Variants in CCDC138 observed in about 807,000 individuals in gnomAD.
CCDC138 encodes the protein coiled-coil domain-containing protein 138.
A neutral mutation model predicts 82.3 loss-of-function variants in CCDC138; 66 were observed. That is an observed-to-expected ratio of 0.80 (90% confidence interval 0.66 to 0.98). CCDC138 has a LOEUF of 0.98. Ranked by LOEUF, CCDC138 falls within the 50% of genes least tolerant of loss-of-function variation. The pLI, the probability that CCDC138 is intolerant of heterozygous loss-of-function variation, is 0.00. For synonymous variants in CCDC138, 297 were observed against 265.4 expected (o/e 1.12, Z -1.16); for missense variants, 816 against 758.9 (o/e 1.08, Z -0.88).
At chr2:108,835,144 A>G (rs190941025) in intron 10 of CCDC138, among the ~76,000 whole-genome samples, 1 of 152,360 alleles carries the variant, frequency 6.6e-6, no homozygotes, top group Admixed American at 6.5e-5. Context: ...CAACAAAGGA[A>G]GTTTATGCAG....
downstream of CCDC138, among the ~76,000 whole-genome samples, chr2:108,877,895 A>G (rs1696135021): frequency 6.6e-6 from 1 of 152,228 alleles, no homozygotes; most frequent in South Asian, 2.1e-4. Flanking sequence ...CTTAGAAGAA[A>G]GGAAAAACCA....
At chr2:108,874,663 G>A (rs1408560740) in intron 14 of CCDC138, among the ~76,000 whole-genome samples, 1 of 152,094 alleles carries the variant, frequency 6.6e-6, no homozygotes, top group Non-Finnish European at 1.5e-5. Flanking sequence ...GGGATTAAGA[G>A]ATCCATATGT....
At chr2:108,803,557 A>C (rs1347555521) in intron 6 of CCDC138, among the ~76,000 whole-genome samples, 2 of 152,162 alleles carry the variant, frequency 1.3e-5, no homozygotes, top group African/African-American at 4.8e-5. Context: ...TTCCTCCCTC[A>C]GCCTCCTGAG....
intron 6 of CCDC138, among the ~76,000 whole-genome samples, chr2:108,799,964 ATTT>A (rs140097101): frequency 0.013 from 2,002 of 152,086 alleles, 46 homozygotes; most frequent in African/African-American, 0.046. Flanking sequence ...TAAAAAATTT[ATTT>A]TTGTTTTTCT....
chr2:108,793,272 A>G (rs1325789490), intron 4 of CCDC138, among the ~76,000 whole-genome samples: 1 of 149,482 alleles, frequency 6.7e-6, no homozygotes, highest in Non-Finnish European at 1.5e-5. Flanking sequence ...GGCGGAGCTT[A>G]CAGTGAGCCG....
In CCDC138 at chr2:108,794,540, T is replaced by G. The variant is rs1202548081; in HGVS notation, c.395T>G (p.Val132Gly). 1 of 1,594,180 alleles carries G rather than the reference T, an allele frequency of 6.3e-7. No individual in the cohort carries two copies. The highest frequency in any genetic ancestry group is 8.5e-7 in the Non-Finnish European group (1 of 1,170,046). The change falls in exon 5 of 15, where the codon GTT becomes GGT. Residue 132 changes from valine (V) to glycine (G), a missense_variant and splice_region_variant. By Grantham distance (109) the Val-to-Gly change is moderately radical. Transcript: ENST00000295124. ...TKQSFKEIEK[V>G]ALPTNTTSSR... Reference sequence around the variant, plus strand: ...AATGCAAATGTTATTTTCTTTGCAGTTGCCTTGCCAACTAATACGACCTCA... The same window carrying G: ...AATGCAAATGTTATTTTCTTTGCAGGTGCCTTGCCAACTAATACGACCTCA...
rs773344264 is a variant in CCDC138, at chr2:108,794,648, A to G, written c.503A>G (p.Asp168Gly). ...PVSCPKSKAS[D>G]KRSLLPHQIS... is the part of the protein sequence containing the mutation. Reference sequence around the variant, plus strand: ...AGCTGTCCAAAATCTAAAGCATCAGACAAGCGGAGTTTACTTCCACATCAG... The same window carrying G: ...AGCTGTCCAAAATCTAAAGCATCAGGCAAGCGGAGTTTACTTCCACATCAG... The change falls in exon 5 of 15, where the codon GAC becomes GGC. Residue 168 changes from aspartate to glycine, a missense_variant. Coordinates refer to ENST00000295124, the MANE Select transcript of CCDC138 (RefSeq NM_144978.3). The G allele has an allele frequency of 3.1e-6, 5 of 1,614,050 alleles. No homozygotes were observed. The highest frequency in any genetic ancestry group is 2.7e-5 in the African/African-American group (2 of 74,934).
chr2:108,798,621 TTTC>T (rs1199174025), intron 6 of CCDC138, 35 bp downstream of exon 6: 3 of 1,462,328 alleles, frequency 2.1e-6, no homozygotes, highest in African/African-American at 2.9e-5. Flanking sequence ...GAGTGGTATA[TTTC>T]TTCTTTTCTT....
intron 10 of CCDC138, among the ~76,000 whole-genome samples, chr2:108,819,860 AG>A (rs1685365450): frequency 1.2e-5 from 1 of 81,976 alleles, no homozygotes; most frequent in Non-Finnish European, 3.5e-5. Flanking sequence ...AAAGAAATGC[AG>A]ATCTCTGAAC....
chr2:108,798,816 T>TACACAC (rs61201793), intron 6 of CCDC138, among the ~76,000 whole-genome samples: 50,071 of 131,138 alleles, frequency 0.38, 10,271 homozygotes, highest in East Asian at 0.56. Context: ...TCTCCACACC[T>TACACAC]ACACACACAC....
At chr2:108,810,918 T>C (rs1381131380) in intron 7 of CCDC138, among the ~76,000 whole-genome samples, 2 of 152,172 alleles carry the variant, frequency 1.3e-5, no homozygotes, top group East Asian at 3.9e-4. Context: ...TTACGTTATA[T>C]GTGCCTAGGA....
intron 10 of CCDC138, among the ~76,000 whole-genome samples, chr2:108,827,835 A>T (rs978408610): frequency 2.0e-5 from 3 of 151,624 alleles, no homozygotes; most frequent in African/African-American, 7.3e-5. Context: ...AAAAAAAATT[A>T]AAAAAATTTA....
chr2:108,789,044 AT>A, intron 3 of CCDC138, 78 bp downstream of exon 3: 1 of 1,511,356 alleles, frequency 6.6e-7, no homozygotes, highest in Non-Finnish European at 9.1e-7. Context: ...GGCAGGTTAT[AT>A]TTTTGCTCTT....
intron 13 of CCDC138, among the ~76,000 whole-genome samples, chr2:108,858,695 T>C (rs78086822): frequency 0.028 from 4,331 of 152,116 alleles, 193 homozygotes; most frequent in African/African-American, 0.1. Context: ...TCATGCTATT[T>C]TTTTCTTTTT....
At chr2:108,880,584 C>T (rs1219497237), downstream of CCDC138, among the ~76,000 whole-genome samples, 2 of 152,108 alleles carry the variant, frequency 1.3e-5, no homozygotes, top group African/African-American at 4.8e-5. Flanking sequence ...ACTTTGAAGG[C>T]AATGCTCATT....
chr2:108,787,487 C>T (rs1002395482), intron 1 of CCDC138, among the ~76,000 whole-genome samples: 1 of 152,140 alleles, frequency 6.6e-6, no homozygotes, highest in South Asian at 2.1e-4. Context: ...AGGACGTTGT[C>T]TTTTAATAAC....
chr2:108,844,307 G>A (rs1690078674), intron 11 of CCDC138, among the ~76,000 whole-genome samples: 1 of 152,066 alleles, frequency 6.6e-6, no homozygotes, highest in African/African-American at 2.4e-5. Flanking sequence ...GGTGTTTTCT[G>A]TTGTTTTATT....
At chr2:108,837,529 T>A (rs1688776246) in intron 10 of CCDC138, among the ~76,000 whole-genome samples, 1 of 152,188 alleles carries the variant, frequency 6.6e-6, no homozygotes, top group African/African-American at 2.4e-5. Flanking sequence ...AGAAAACAGA[T>A]TATAATGGAG....
chr2:108,787,437 C>CAA (rs1679058329), intron 1 of CCDC138, among the ~76,000 whole-genome samples: 1 of 152,156 alleles, frequency 6.6e-6, no homozygotes, highest in Admixed American at 6.5e-5. Context: ...TGCCCCTTTA[C>CAA]CTCTGAATAG....
Sources: gnomAD v4.1 joint callset for allele counts (sites outside exome capture counted in the v4.1 genomes callset) on GRCh38, gnomAD v4.1.1 for gene constraint, MANE v1.5 for transcripts, NCBI Gene and HGNC (gene_info 2026-07-23, HGNC 2026-07-21) for gene names.